Variants in EXOC4 observed in about 807,000 individuals in gnomAD.
EXOC4 encodes the protein exocyst complex component 4.
EXOC4 carries 71 observed loss-of-function variants against 107.2 expected under a neutral mutation model. The ratio of observed to expected loss-of-function variants is 0.66; its 90% CI spans 0.55 to 0.81. The LOEUF is 0.81. Ranked by LOEUF, EXOC4 falls within the 30% of genes least tolerant of loss-of-function variation. The pLI is 0.00. For synonymous variants in EXOC4, 456 were observed against 441.2 expected (o/e 1.03, Z -0.42); for missense variants, 1,108 against 1,189.6 (o/e 0.93, Z 1.01).
rs139282870 is a variant in EXOC4, at chr7:133,480,225, G to A, written c.1417+87G>A. ...ATGAGTTTGTGTCCTGCATTCACAC[G>A]ATCCTTTCAAGGTAACAAACACTTA... is the stretch of plus-strand genomic sequence containing the variant. On this transcript the variant is annotated intron_variant, in intron 9 of 17. Coordinates refer to ENST00000253861, the MANE Select transcript of EXOC4 (RefSeq NM_021807.4). The A allele has an allele frequency of 2.2e-4, 345 of 1,562,988 alleles. 5 individuals carry two copies. The South Asian group carries it at 3.8e-3, about 17-fold the overall frequency.
At chr7:133,977,979 A>G (rs1353129238) in intron 14 of EXOC4, among the ~76,000 whole-genome samples, 1 of 152,224 alleles carries the variant, frequency 6.6e-6, no homozygotes, top group African/African-American at 2.4e-5. Flanking sequence ...TTCTTTGTAC[A>G]TAGTGAACTG....
At chr7:134,021,722 GAAAAAAAA>G (rs60762484) in intron 17 of EXOC4, among the ~76,000 whole-genome samples, 4 of 53,742 alleles carry the variant, frequency 7.4e-5, no homozygotes, top group South Asian at 1.3e-3. Context: ...AGTCAAACCA[GAAAAAAAA>G]AAAAAAAAAA....
intron 5 of EXOC4, among the ~76,000 whole-genome samples, chr7:133,327,012 G>A (rs958416481): frequency 2.0e-5 from 3 of 152,242 alleles, no homozygotes; most frequent in Non-Finnish European, 2.9e-5. Flanking sequence ...CAAGCCAGGC[G>A]TGGGATATAA....
intron 7 of EXOC4, among the ~76,000 whole-genome samples, chr7:133,427,675 A>G (rs1797758436): frequency 3.9e-5 from 6 of 152,134 alleles, no homozygotes; most frequent in Admixed American, 2.6e-4. Flanking sequence ...CTGTAAATTA[A>G]TATCTTGCTT....
intron 17 of EXOC4, among the ~76,000 whole-genome samples, chr7:134,051,999 GA>G (rs61245865): frequency 1.3e-5 from 2 of 150,874 alleles, no homozygotes; most frequent in Non-Finnish European, 2.9e-5. Context: ...AAAAAAGAAA[GA>G]AAAAAAAATG....
At chr7:133,763,755 TTTTTG>T (rs1221256926) in intron 10 of EXOC4, among the ~76,000 whole-genome samples, 1 of 151,514 alleles carries the variant, frequency 6.6e-6, no homozygotes, top group African/African-American at 2.4e-5. Flanking sequence ...GAAATTATAG[TTTTTG>T]TTTTGTTTTG....
At chr7:133,875,898 G>T (rs953841713) in intron 11 of EXOC4, among the ~76,000 whole-genome samples, 1 of 152,080 alleles carries the variant, frequency 6.6e-6, no homozygotes, top group African/African-American at 2.4e-5. Flanking sequence ...GTTTTTACTG[G>T]AAACAACAAA....
chr7:133,418,566 A>C (rs1260673558), intron 7 of EXOC4, among the ~76,000 whole-genome samples: 2 of 152,196 alleles, frequency 1.3e-5, no homozygotes, highest in African/African-American at 4.8e-5. Flanking sequence ...CTCTTGGGGT[A>C]AGGGTGAGGA....
At chr7:134,062,544 A>G (rs1796088746) in intron 17 of EXOC4, among the ~76,000 whole-genome samples, 1 of 152,246 alleles carries the variant, frequency 6.6e-6, no homozygotes, top group African/African-American at 2.4e-5. Flanking sequence ...TAGGTCTGGA[A>G]GATTGCTTCG....
At chr7:133,566,668 C>T (rs1172562717) in intron 9 of EXOC4, among the ~76,000 whole-genome samples, 1 of 152,154 alleles carries the variant, frequency 6.6e-6, no homozygotes. Context: ...AGTATTAGCT[C>T]CACAATAGCA....
intron 7 of EXOC4, among the ~76,000 whole-genome samples, chr7:133,456,216 A>T (rs1798460096): frequency 6.6e-6 from 1 of 152,210 alleles, no homozygotes; most frequent in South Asian, 2.1e-4. Context: ...AGTTACTGTG[A>T]CTGAATCCTA....
At chr7:133,453,253 C>T (rs1480914878) in intron 7 of EXOC4, among the ~76,000 whole-genome samples, 2 of 152,198 alleles carry the variant, frequency 1.3e-5, no homozygotes, top group South Asian at 2.1e-4. Context: ...GGTTGGCCAG[C>T]GTCTATAGTA....
chr7:133,997,382 T>C, intron 14 of EXOC4, 110 bp from the exon 15 acceptor site: 1 of 1,158,808 alleles, frequency 8.6e-7, no homozygotes, highest in Non-Finnish European at 1.2e-6. Flanking sequence ...CTGCCAACAC[T>C]AGTGTTAACC....
chr7:133,937,777 G>A (rs1187903404), intron 13 of EXOC4, 114 bp from the exon 14 acceptor site: 2 of 920,512 alleles, frequency 2.2e-6, no homozygotes, highest in African/African-American at 1.7e-5. Context: ...AAAAGAGCAC[G>A]CTGTAAAATA....
At chr7:133,720,762 G>C (rs919284926) in intron 10 of EXOC4, among the ~76,000 whole-genome samples, 8 of 152,114 alleles carry the variant, frequency 5.3e-5, no homozygotes, top group African/African-American at 1.7e-4. Context: ...AGAGAAGATA[G>C]ACTATTTGGA....
intron 9 of EXOC4, among the ~76,000 whole-genome samples, chr7:133,569,549 A>G (rs1376746904): frequency 6.6e-6 from 1 of 152,014 alleles, no homozygotes; most frequent in African/African-American, 2.4e-5. Context: ...ATTATTAAAC[A>G]TGCATTCATT....
chr7:133,495,114 T>C (rs1799447125), intron 9 of EXOC4, among the ~76,000 whole-genome samples: 1 of 152,014 alleles, frequency 6.6e-6, no homozygotes, highest in Non-Finnish European at 1.5e-5. Flanking sequence ...TAGTTGAGTA[T>C]AGTGGCACAT....
At chr7:133,694,204 T>C (rs746764616) in intron 10 of EXOC4, among the ~76,000 whole-genome samples, 2 of 145,990 alleles carry the variant, frequency 1.4e-5, no homozygotes, top group Non-Finnish European at 3.0e-5. Context: ...GAGATTACAG[T>C]GAGCCGAGAT....
At chr7:133,360,657 G>A (rs1796116699) in intron 6 of EXOC4, among the ~76,000 whole-genome samples, 1 of 152,200 alleles carries the variant, frequency 6.6e-6, no homozygotes, top group Non-Finnish European at 1.5e-5. Flanking sequence ...GAAAACATGG[G>A]AAAGAAATAT....
Sources: allele counts gnomAD v4.1 joint callset (sites outside exome capture counted in the v4.1 genomes callset), GRCh38; gene constraint gnomAD v4.1.1; transcripts MANE v1.5; gene names NCBI Gene and HGNC (gene_info 2026-07-23, HGNC 2026-07-21).